The following CADPS variants were observed in gnomAD, a reference collection of about 807,000 sequenced individuals.
CADPS encodes the protein calcium-dependent secretion activator 1.
Under a neutral mutation model 167.3 loss-of-function variants are expected in CADPS, and 57 were observed. The observed-to-expected ratio is 0.34, with a 90% confidence interval of 0.28 to 0.42. The LOEUF is 0.42. Ranked by LOEUF, CADPS falls within the 20% of genes least tolerant of loss-of-function variation. The pLI, the probability that CADPS is intolerant of heterozygous loss-of-function variation, is 1.00. For synonymous variants in CADPS, 676 were observed against 635.3 expected (o/e 1.06, Z -0.96); for missense variants, 1,414 against 1,738.1 (o/e 0.81, Z 3.32).
intron 3 of CADPS, among the ~76,000 whole-genome samples, chr3:62,703,925 G>C (rs976859245): frequency 6.6e-6 from 1 of 152,078 alleles, no homozygotes; most frequent in Non-Finnish European, 1.5e-5. Context: ...TCTGTAATAG[G>C]GTGTCCACAA....
intron 28 of CADPS, among the ~76,000 whole-genome samples, chr3:62,425,825 G>A (rs1337527454): frequency 1.3e-5 from 2 of 151,938 alleles, no homozygotes; most frequent in Non-Finnish European, 2.9e-5. Flanking sequence ...CCCAAAGGAA[G>A]CAATAATGTT....
intron 4 of CADPS, among the ~76,000 whole-genome samples, chr3:62,652,150 A>C (rs921852154): frequency 1.1e-4 from 16 of 152,154 alleles, no homozygotes; most frequent in African/African-American, 3.6e-4. Flanking sequence ...CATGCTATCT[A>C]ACGGAAAAGT....
intron 3 of CADPS, among the ~76,000 whole-genome samples, chr3:62,721,466 T>A (rs891075394): frequency 6.6e-6 from 1 of 152,148 alleles, no homozygotes; most frequent in Non-Finnish European, 1.5e-5. Context: ...CTCTAAGCTG[T>A]GGGTAGGTAA....
chr3:62,415,110 C>G (rs1284458392), intron 28 of CADPS, among the ~76,000 whole-genome samples: 1 of 143,776 alleles, frequency 7.0e-6, no homozygotes, highest in Non-Finnish European at 1.5e-5. Flanking sequence ...CCCCATACTT[C>G]TTTCCCTCTT....
chr3:62,663,778 A>G (rs1185212775), intron 3 of CADPS, among the ~76,000 whole-genome samples: 1 of 152,166 alleles, frequency 6.6e-6, no homozygotes, highest in Non-Finnish European at 1.5e-5. Flanking sequence ...TTGAAAATCC[A>G]TCTGGCTTTA....
chr3:62,607,370 C>A (rs2060832139), intron 6 of CADPS, among the ~76,000 whole-genome samples: 1 of 152,178 alleles, frequency 6.6e-6, no homozygotes, highest in South Asian at 2.1e-4. Context: ...TGTGTTAACA[C>A]CTCCCAGGGC....
At chr3:62,653,595 T>A (rs2070787297) in intron 4 of CADPS, among the ~76,000 whole-genome samples, 1 of 152,174 alleles carries the variant, frequency 6.6e-6, no homozygotes, top group Non-Finnish European at 1.5e-5. Flanking sequence ...ACCATATCTA[T>A]CTTAATACTC....
intron 1 of CADPS, among the ~76,000 whole-genome samples, chr3:62,819,390 C>T (rs538611425): frequency 6.8e-6 from 1 of 147,634 alleles, no homozygotes; most frequent in African/African-American, 2.5e-5. Context: ...AGGTTTAAAG[C>T]AATGACAATC....
intron 6 of CADPS, among the ~76,000 whole-genome samples, chr3:62,613,859 T>C (rs2061856751): frequency 1.3e-5 from 2 of 152,110 alleles, no homozygotes; most frequent in Admixed American, 6.6e-5. Context: ...CAATTTGCTG[T>C]GGGTGGAGTC....
At chr3:62,519,479 A>G (rs1396368387) in intron 13 of CADPS, among the ~76,000 whole-genome samples, 1 of 152,084 alleles carries the variant, frequency 6.6e-6, no homozygotes, top group Admixed American at 6.6e-5. Flanking sequence ...CCTCTTCCCC[A>G]CTTTATAAAA....
At chr3:62,719,971 C>T (rs1024826390) in intron 3 of CADPS, among the ~76,000 whole-genome samples, 25 of 152,116 alleles carry the variant, frequency 1.6e-4, no homozygotes, top group Admixed American at 1.4e-3. Flanking sequence ...TCTGGCACAG[C>T]GGGAGCATCA....
At chr3:62,829,445 C>T (rs1339226572) in intron 1 of CADPS, among the ~76,000 whole-genome samples, 1 of 152,004 alleles carries the variant, frequency 6.6e-6, no homozygotes. Context: ...TGCGGAGGGT[C>T]CTGGAAGCTA....
chr3:62,714,819 T>TA (rs2084105264), intron 3 of CADPS, among the ~76,000 whole-genome samples: 1 of 151,952 alleles, frequency 6.6e-6, no homozygotes, highest in Non-Finnish European at 1.5e-5. Context: ...AAGTTTTATT[T>TA]AAAAAAAATT....
At chr3:62,833,296 A>G (rs1273885256) in intron 1 of CADPS, among the ~76,000 whole-genome samples, 2 of 152,006 alleles carry the variant, frequency 1.3e-5, no homozygotes, top group Admixed American at 6.5e-5. Context: ...AACAGCACAC[A>G]GCACCATGCC....
rs530009195 is a variant in CADPS at position 62,506,474 on chromosome 3, A to G, written c.2599+6277T>C. ...ATTAATTTAAATTAAAGAAAGAAAT[A>G]TAACACTCTTGTAATGGTTTTTCTT... On this transcript the variant is annotated intron_variant, in intron 17 of 29. Coordinates refer to ENST00000383710, the MANE Select transcript of CADPS (RefSeq NM_003716.4). Among the ~76,000 whole-genome samples the G allele has an allele frequency of 1.0e-4, 16 of 152,384 alleles. No individual in the cohort carries two copies. The South Asian group carries it at 2.5e-3, about 24-fold the overall frequency.
intron 11 of CADPS, among the ~76,000 whole-genome samples, chr3:62,537,143 C>T (rs982272524): frequency 1.3e-5 from 2 of 152,006 alleles, no homozygotes; most frequent in Admixed American, 1.3e-4. Context: ...ATAAAAAAAA[C>T]GATTTTCATT....
Position 62,604,952 on chromosome 3 carries a change from T to C in CADPS, c.1326-12204A>G, listed in dbSNP as rs142472616. ...ATTCTGCTAACCAACTCCTATTTAA[T>C]TTCCAACACTGGGTGTTTCCCTATA... is the stretch of plus-strand genomic sequence containing the variant. On this transcript the variant is annotated intron_variant, in intron 6 of 29. Coordinates refer to ENST00000383710, the MANE Select transcript of CADPS (RefSeq NM_003716.4). Among the ~76,000 whole-genome samples the C allele has an allele frequency of 1.9e-3, 295 of 152,370 alleles. 4 individuals carry two copies. Among genetic ancestry groups the C allele is most frequent in the African/African-American group, 6.6e-3 (276 of 41,594 alleles).
intron 3 of CADPS, among the ~76,000 whole-genome samples, chr3:62,719,415 C>T (rs2075315733): frequency 6.6e-6 from 1 of 152,230 alleles, no homozygotes; most frequent in African/African-American, 2.4e-5. Context: ...CCTGACCCCA[C>T]AGACTATATC....
chr3:62,755,054 A>G (rs770146123), intron 2 of CADPS, among the ~76,000 whole-genome samples: 1 of 152,192 alleles, frequency 6.6e-6, no homozygotes, highest in African/African-American at 2.4e-5. Context: ...TGAATTAACA[A>G]TGAATATAGG....
Sources: gnomAD v4.1 joint callset for allele counts (sites outside exome capture counted in the v4.1 genomes callset) on GRCh38, gnomAD v4.1.1 for gene constraint, MANE v1.5 for transcripts, NCBI Gene and HGNC (gene_info 2026-07-23, HGNC 2026-07-21) for gene names.